The following RNF220 variants were observed in gnomAD, a reference collection of about 807,000 sequenced individuals.
RNF220 encodes the protein E3 ubiquitin-protein ligase RNF220.
In RNF220, 7 loss-of-function variants were observed where a neutral mutation model predicts 67.1. The observed-to-expected ratio is 0.10, with a 90% CI of 0.06 to 0.20. The LOEUF is 0.20. Ranked by LOEUF, RNF220 falls within the 10% of genes least tolerant of loss-of-function variation. The pLI is 1.00. For missense variants in RNF220, 565 were observed against 740.3 expected, an observed-to-expected ratio of 0.76 and a Z score of 2.75; for synonymous variants, 270 against 283.2, an observed-to-expected ratio of 0.95 and a Z score of 0.47.
At chr1:44,538,337 C>G (rs79815707) in intron 2 of RNF220, among the ~76,000 whole-genome samples, 10,069 of 152,100 alleles carry the variant, frequency 0.066, 422 homozygotes, top group Middle Eastern at 0.14. Context: ...TAATCCCTGC[C>G]CCTTCTTGAA....
Position 44,405,377 on chromosome 1 carries a change from ACTGCTG to A in RNF220, c.-257_-252del, listed in dbSNP as rs111665631. ...AACACAAACCCGGGGCCAGCCGCCT[ACTGCTG>A]CTGCTGCTGCTGCCGCTGCCGCCGC... On this transcript the variant is annotated 5_prime_UTR_variant, in exon 1 of 15. Transcript: ENST00000361799. 8.2e-6 allele frequency: 5 copies of A among 611,196 alleles called. No homozygotes were observed. The highest frequency in any genetic ancestry group is 3.9e-5 in the African/African-American group (2 of 51,800). 37.9% of individuals were successfully genotyped at this position (611,196 alleles called of 1,614,324 possible).
chr1:44,618,117 G>A (rs1643638451), intron 3 of RNF220, among the ~76,000 whole-genome samples: 1 of 152,174 alleles, frequency 6.6e-6, no homozygotes, highest in Non-Finnish European at 1.5e-5. Flanking sequence ...CTGGCCTGGT[G>A]TTCCACCTCC....
chr1:44,454,733 G>A (rs575279469), intron 2 of RNF220, among the ~76,000 whole-genome samples: 2 of 151,878 alleles, frequency 1.3e-5, no homozygotes, highest in South Asian at 4.2e-4. Context: ...AGTTCTGTGA[G>A]TTTTGACAAA....
intron 2 of RNF220, among the ~76,000 whole-genome samples, chr1:44,491,501 T>A (rs1005090290): frequency 1.3e-5 from 2 of 152,098 alleles, no homozygotes; most frequent in Non-Finnish European, 2.9e-5. Context: ...AGCTATATGA[T>A]CATCTCAATA....
At chr1:44,453,218 A>G (rs1379507808) in intron 2 of RNF220, among the ~76,000 whole-genome samples, 1 of 152,050 alleles carries the variant, frequency 6.6e-6, no homozygotes, top group Non-Finnish European at 1.5e-5. Context: ...CAGTTCTTAG[A>G]TTTTCTAAGT....
chr1:44,470,835 A>G (rs984752009), intron 2 of RNF220, among the ~76,000 whole-genome samples: 5 of 151,928 alleles, frequency 3.3e-5, no homozygotes, highest in African/African-American at 1.2e-4. Flanking sequence ...CCTTCCTATT[A>G]TTTCAAAAGC....
intron 2 of RNF220, among the ~76,000 whole-genome samples, chr1:44,447,928 C>T (rs533043961): frequency 8.3e-4 from 127 of 152,294 alleles, no homozygotes; most frequent in Admixed American, 3.3e-3. Flanking sequence ...AACAGCTTTG[C>T]GCGTCGCTTA....
intron 2 of RNF220, among the ~76,000 whole-genome samples, chr1:44,559,664 A>C (rs984227278): frequency 2.6e-5 from 4 of 152,172 alleles, no homozygotes; most frequent in Non-Finnish European, 5.9e-5. Flanking sequence ...AGAGGGGGCC[A>C]CGGCCCTGAC....
At chr1:44,579,332 G>A (rs545379331) in intron 2 of RNF220, among the ~76,000 whole-genome samples, 138 of 152,250 alleles carry the variant, frequency 9.1e-4, no homozygotes, top group African/African-American at 3.1e-3. Context: ...AGACTACCGA[G>A]GAGTCTGAGC....
rs775169040 is a variant in RNF220, at chr1:44,645,314, G to A, written c.1366+38G>A. On this transcript the variant is annotated intron_variant, in intron 11 of 14. Transcript: ENST00000361799. This position sits in a 1 kb window ranked among gnomAD's most constrained non-coding sequence, Gnocchi z 5.0. ...CCAGGTTAGGAGTAATGGGGGAGAG[G>A]GGGTATCCCTAGATGGTGGTGACTG... 8 of 1,613,418 alleles carry A rather than the reference G, an allele frequency of 5.0e-6. No homozygotes were observed. In the South Asian group the frequency reaches 8.8e-5, roughly 18 times the overall value.
At chr1:44,564,125 G>A (rs1473897019) in intron 2 of RNF220, among the ~76,000 whole-genome samples, 2 of 152,236 alleles carry the variant, frequency 1.3e-5, no homozygotes, top group Non-Finnish European at 2.9e-5. Flanking sequence ...GCTAAGAGTG[G>A]TGGGAGTAGG....
In RNF220 at chr1:44,521,876, G is replaced by GTGAA. The variant is rs144215370; in HGVS notation, c.626-92264_626-92261dup. Among the ~76,000 whole-genome samples the GTGAA allele has an allele frequency of 4.1e-3, 616 of 151,934 alleles. 5 individuals are homozygous for GTGAA. Among genetic ancestry groups the GTGAA allele is most frequent in the Middle Eastern group, 0.014 (4 of 294 alleles). On this transcript the variant is annotated intron_variant, in intron 2 of 14. Coordinates refer to ENST00000361799, the MANE Select transcript of RNF220 (RefSeq NM_018150.4). ...CAATTGATGTCTACTGAATGAATGA[G>GTGAA]TGAATGAATGAATGAATGAATGAAT... is the stretch of plus-strand genomic sequence containing the variant.
chr1:44,533,632 C>G (rs1660993553), intron 2 of RNF220, among the ~76,000 whole-genome samples: 1 of 152,044 alleles, frequency 6.6e-6, no homozygotes, highest in African/African-American at 2.4e-5. Context: ...AGACACCTGC[C>G]CTGAAGAGGT....
intron 2 of RNF220, among the ~76,000 whole-genome samples, chr1:44,547,961 C>T (rs563208790): frequency 6.6e-6 from 1 of 152,212 alleles, no homozygotes; most frequent in African/African-American, 2.4e-5. Flanking sequence ...AGTCTTATTA[C>T]CCCCAGCACC....
intron 2 of RNF220, among the ~76,000 whole-genome samples, chr1:44,582,137 G>C (rs1251796731): frequency 6.6e-6 from 1 of 152,178 alleles, no homozygotes; most frequent in African/African-American, 2.4e-5. Context: ...GAAGAATGAG[G>C]ACAGTCAAAG....
chr1:44,578,144 CTTT>C (rs749348924), intron 2 of RNF220, among the ~76,000 whole-genome samples: 2 of 117,140 alleles, frequency 1.7e-5, no homozygotes, highest in Non-Finnish European at 1.7e-5. Context: ...TCTTTCTTTC[CTTT>C]TTTTTTTTTT....
At chr1:44,427,156 G>C (rs1649874929) in intron 2 of RNF220, among the ~76,000 whole-genome samples, 2 of 152,288 alleles carry the variant, frequency 1.3e-5, no homozygotes, top group Non-Finnish European at 1.5e-5. Flanking sequence ...CTGATGCACA[G>C]TGTTTAAGCA....
intron 2 of RNF220, among the ~76,000 whole-genome samples, chr1:44,542,383 C>T (rs1247123555): frequency 6.6e-6 from 1 of 152,174 alleles, no homozygotes; most frequent in Non-Finnish European, 1.5e-5. Flanking sequence ...CCTTGAGTGA[C>T]TAGCCTTGGA....
intron 2 of RNF220, among the ~76,000 whole-genome samples, chr1:44,543,913 C>T (rs545594861): frequency 1.1e-3 from 160 of 152,262 alleles, no homozygotes; most frequent in African/African-American, 3.3e-3. Context: ...TGGGCAGTGG[C>T]GAGTGGTGGA....
Sources: gnomAD v4.1 joint callset for allele counts (sites outside exome capture counted in the v4.1 genomes callset) on GRCh38, gnomAD v4.1.1 for gene constraint, Gnocchi (gnomAD v3.1) non-coding constraint, MANE v1.5 for transcripts, NCBI Gene and HGNC (gene_info 2026-07-23, HGNC 2026-07-21) for gene names.